Variants in CCDC171 observed in about 807,000 individuals in gnomAD.
CCDC171 encodes the protein coiled-coil domain-containing protein 171.
CCDC171 carries 177 observed loss-of-function variants against 168.2 expected under a neutral mutation model. That is an observed-to-expected ratio of 1.05 (90% CI 0.93 to 1.19). The LOEUF is 1.19. CCDC171 is among the 50% of genes most tolerant of loss of function. The pLI is 0.00. For missense variants in CCDC171, 1,991 were observed against 1,539.0 expected (o/e 1.29, Z -4.91); for synonymous variants, 687 against 540.8 (o/e 1.27, Z -3.75).
chr9:16,026,285 A>C (rs1209310803), intron 6 of CCDC171, among the ~76,000 whole-genome samples: 2 of 152,102 alleles, frequency 1.3e-5, no homozygotes, highest in Non-Finnish European at 2.9e-5. Context: ...GGGAGATTCA[A>C]CCAGTCATTA....
downstream of CCDC171, among the ~76,000 whole-genome samples, chr9:15,974,395 C>T (rs553082775): frequency 2.0e-5 from 3 of 152,132 alleles, no homozygotes; most frequent in African/African-American, 7.2e-5. Flanking sequence ...GTTGCTGTAT[C>T]AGCTTCTTTA....
At chr9:15,678,661 A>T in intron 9 of CCDC171, 97 bp from the exon 10 acceptor site, 1 of 955,600 alleles carries the variant, frequency 1.0e-6, no homozygotes. Flanking sequence ...GCATGAACAC[A>T]TGATATGTAG....
intron 7 of CCDC171, among the ~76,000 whole-genome samples, chr9:15,635,639 C>T (rs2046143255): frequency 1.3e-5 from 2 of 152,190 alleles, no homozygotes; most frequent in African/African-American, 4.8e-5. Flanking sequence ...AACACCCTCA[C>T]AGACACACCT....
chr9:16,066,718 T>A, the CCDC171 span, among the ~76,000 whole-genome samples: 1 of 149,732 alleles, frequency 6.7e-6, no homozygotes, highest in Non-Finnish European at 1.5e-5. Flanking sequence ...GGTGTTTGGT[T>A]TTTTGTTCTT....
the CCDC171 span, among the ~76,000 whole-genome samples, chr9:16,095,932 G>A: frequency 7.0e-6 from 1 of 143,316 alleles, no homozygotes; most frequent in African/African-American, 2.6e-5. Flanking sequence ...TGATATAGGG[G>A]TATGTCTATA....
At chr9:15,809,303 T>C (rs1248424523) in intron 21 of CCDC171, among the ~76,000 whole-genome samples, 3 of 152,154 alleles carry the variant, frequency 2.0e-5, no homozygotes, top group Non-Finnish European at 4.4e-5. Flanking sequence ...TCCAATATGG[T>C]AACCACTAGC....
intron 2 of CCDC171, 150 bp from the exon 3 acceptor site, chr9:15,571,474 G>A (rs2040216402): frequency 7.5e-6 from 4 of 535,750 alleles, no homozygotes; most frequent in Non-Finnish European, 1.3e-5. Flanking sequence ...CTTTTGCAGT[G>A]GACATCTTTT....
chr9:15,866,031 G>GCAA (rs1263205859), intron 23 of CCDC171, among the ~76,000 whole-genome samples: 1 of 151,946 alleles, frequency 6.6e-6, no homozygotes, highest in African/African-American at 2.4e-5. Context: ...AGTGGCATGA[G>GCAA]CAACAAGTTC....
chr9:16,019,318 TTGA>T (rs1294077601), intron 3 of CCDC171, among the ~76,000 whole-genome samples: 1 of 152,154 alleles, frequency 6.6e-6, no homozygotes, highest in East Asian at 1.9e-4. Context: ...TCTGAGTGAG[TTGA>T]TGGCTCCCAT....
intron 11 of CCDC171, among the ~76,000 whole-genome samples, chr9:15,700,649 A>T (rs1338264743): frequency 1.3e-5 from 2 of 151,118 alleles, no homozygotes; most frequent in African/African-American, 4.9e-5. Context: ...TATTTTTTTT[A>T]TTTTGTATTT....
At position 15,785,009 on chromosome 9, in the gene CCDC171, A is replaced by G. The variant is rs1266996107; in HGVS notation, c.3267+315A>G. Among the ~76,000 whole-genome samples, 3 of 152,282 alleles carry G rather than the reference A, an allele frequency of 2.0e-5. No homozygotes were observed. In the East Asian group the frequency reaches 5.8e-4, roughly 29 times the overall value. ...ATCTTCTTTATTTCTTCCTCTCTTT[A>G]GAATTTTCCTTTTCTTGTTTTGTAC... On this transcript the variant is annotated intron_variant, in intron 21 of 25. Coordinates refer to ENST00000380701, the MANE Select transcript of CCDC171 (RefSeq NM_173550.4).
intron 24 of CCDC171, among the ~76,000 whole-genome samples, chr9:15,900,769 C>G (rs1439465109): frequency 1.3e-5 from 2 of 152,106 alleles, no homozygotes. Context: ...AATAGATAGA[C>G]TGTCTTCTGG....
intron 11 of CCDC171, among the ~76,000 whole-genome samples, chr9:15,705,852 C>T (rs570024456): frequency 2.0e-5 from 3 of 152,174 alleles, no homozygotes; most frequent in Non-Finnish European, 4.4e-5. Context: ...AAGTATTTGT[C>T]GAATATGAAT....
At chr9:16,058,370 G>GC (rs1184571458) in intron 1 of CCDC171, among the ~76,000 whole-genome samples, 6 of 151,974 alleles carry the variant, frequency 3.9e-5, no homozygotes, top group African/African-American at 1.5e-4. Flanking sequence ...CTATTTCTCA[G>GC]CCCCCTTGCC....
chr9:15,764,612 CA>C (rs2056623741), intron 18 of CCDC171, among the ~76,000 whole-genome samples: 1 of 152,106 alleles, frequency 6.6e-6, no homozygotes. Flanking sequence ...AAGAGAAAAT[CA>C]AGAGTTTTTT....
chr9:16,042,568 A>C (rs969011099), upstream of CCDC171, among the ~76,000 whole-genome samples: 1 of 152,208 alleles, frequency 6.6e-6, no homozygotes, highest in Non-Finnish European at 1.5e-5. Context: ...AAGAGGATTA[A>C]ATGAGAAGAC....
At chr9:16,021,977 C>T (rs1461112553) in intron 4 of CCDC171, among the ~76,000 whole-genome samples, 1 of 152,160 alleles carries the variant, frequency 6.6e-6, no homozygotes. Flanking sequence ...GCAGCCTAAG[C>T]AGCCTCTCCT....
chr9:15,727,825 A>T, intron 14 of CCDC171, 44 bp from the exon 15 acceptor site: 1 of 1,486,426 alleles, frequency 6.7e-7, no homozygotes, highest in Non-Finnish European at 9.1e-7. Flanking sequence ...ACTTCTTACA[A>T]TGTTTATATA....
At chr9:15,874,457 C>A in intron 23 of CCDC171, 75 bp from the exon 24 acceptor site, 1 of 1,350,574 alleles carries the variant, frequency 7.4e-7, no homozygotes, top group Non-Finnish European at 1.0e-6. Context: ...ACTCAGTGGG[C>A]TCAAGGGGAC....
Sources: allele counts gnomAD v4.1 joint callset (sites outside exome capture counted in the v4.1 genomes callset), GRCh38; gene constraint gnomAD v4.1.1; transcripts MANE v1.5; gene names NCBI Gene and HGNC (gene_info 2026-07-23, HGNC 2026-07-21).